The following CTNNA2 variants were observed in gnomAD, a reference collection of about 807,000 sequenced individuals.
CTNNA2 encodes catenin alpha-2.
A neutral mutation model predicts 101.0 loss-of-function variants in CTNNA2; 42 were observed. That is an observed-to-expected ratio of 0.42 (90% confidence interval 0.32 to 0.54). CTNNA2 has a LOEUF of 0.54. Ranked by LOEUF, CTNNA2 falls within the 20% of genes least tolerant of loss-of-function variation. The pLI is 0.14. For synonymous variants in CTNNA2, 450 were observed against 456.4 expected (o/e 0.99, Z 0.18); for missense variants, 871 against 1,223.1 (o/e 0.71, Z 4.29).
intron 7 of CTNNA2, among the ~76,000 whole-genome samples, chr2:80,141,648 G>A (rs1177305147): frequency 6.6e-6 from 1 of 152,026 alleles, no homozygotes; most frequent in East Asian, 1.9e-4. Context: ...CCAGTGAGAT[G>A]GAGCAGGGAT....
At chr2:80,455,367 C>T (rs1683877561) in intron 9 of CTNNA2, among the ~76,000 whole-genome samples, 1 of 152,166 alleles carries the variant, frequency 6.6e-6, no homozygotes, top group Non-Finnish European at 1.5e-5. Context: ...GGTCATCTCT[C>T]TATCAGGAGG....
intron 3 of CTNNA2, among the ~76,000 whole-genome samples, chr2:79,794,201 G>GT (rs1443114814): frequency 6.6e-6 from 1 of 152,090 alleles, no homozygotes; most frequent in Non-Finnish European, 1.5e-5. Context: ...AAGAAAACAG[G>GT]ACTTCAGAGA....
intron 15 of CTNNA2, among the ~76,000 whole-genome samples, chr2:80,596,951 C>A (rs1388956048): frequency 6.6e-6 from 1 of 152,096 alleles, no homozygotes; most frequent in Non-Finnish European, 1.5e-5. Context: ...GCCTTTTCTG[C>A]TTCTATTAAG....
At chr2:80,125,152 T>C (rs995644270) in intron 7 of CTNNA2, among the ~76,000 whole-genome samples, 8 of 152,160 alleles carry the variant, frequency 5.3e-5, no homozygotes, top group African/African-American at 1.9e-4. Context: ...ATCAAAATCT[T>C]AGAATTTTAT....
intron 1 of CTNNA2, among the ~76,000 whole-genome samples, chr2:79,600,691 A>G (rs1477791733): frequency 2.0e-5 from 3 of 152,206 alleles, no homozygotes; most frequent in African/African-American, 4.8e-5. Flanking sequence ...TTGGGCTCCT[A>G]TGACAGAATA....
intron 7 of CTNNA2, among the ~76,000 whole-genome samples, chr2:80,077,919 CATAAA>C (rs1007862626): frequency 5.3e-5 from 8 of 152,044 alleles, no homozygotes; most frequent in African/African-American, 1.9e-4. Context: ...TGAATGGGTA[CATAAA>C]ATAAGTACAT....
chr2:80,260,391 A>G (rs1672516465), intron 7 of CTNNA2, among the ~76,000 whole-genome samples: 1 of 152,322 alleles, frequency 6.6e-6, no homozygotes, highest in Admixed American at 6.5e-5. Flanking sequence ...ATCCAAAAAT[A>G]TCTCATTTAC....
chr2:80,554,005 T>C (rs1692807040), intron 11 of CTNNA2, among the ~76,000 whole-genome samples: 1 of 152,204 alleles, frequency 6.6e-6, no homozygotes, highest in African/African-American at 2.4e-5. Context: ...TTTTCTATTC[T>C]AATTTATAGT....
intron 1 of CTNNA2, among the ~76,000 whole-genome samples, chr2:79,576,358 G>A (rs1675798854): frequency 6.6e-6 from 1 of 152,088 alleles, no homozygotes; most frequent in Non-Finnish European, 1.5e-5. Flanking sequence ...TGTTTTGAGT[G>A]GTAATTGTAT....
intron 8 of CTNNA2, among the ~76,000 whole-genome samples, chr2:80,396,538 C>T (rs768135424): frequency 9.9e-5 from 15 of 152,170 alleles, no homozygotes; most frequent in Non-Finnish European, 2.2e-4. Flanking sequence ...CTGTCCATCC[C>T]CCAGAGAAGA....
rs200253287 is a variant in CTNNA2 at position 79,536,680 on chromosome 2, A to AT, written c.-6+23483dup. On this transcript the variant is annotated intron_variant, in intron 1 of 18. Coordinates refer to ENST00000402739, the MANE Select transcript of CTNNA2 (RefSeq NM_001282597.3). ...TCTACTGTCGTCACTTTCACCATGGATTTTTTTTTTCTTTTCTTTTCTTTT... is the reference window on the plus strand; with the variant it reads ...TCTACTGTCGTCACTTTCACCATGGATTTTTTTTTTTCTTTTCTTTTCTTTT... Among the ~76,000 whole-genome samples, 1,685 of 78,628 alleles carry AT rather than the reference A, an allele frequency of 0.021. 90 individuals are homozygous for AT. The East Asian group carries it at 0.22, about 10-fold the overall frequency. The allele number at this position is 78,628 out of a possible 152,430, so 51.6% of individuals were successfully genotyped here.
rs530337098 is a variant in CTNNA2, at chr2:79,742,169, T to C, written c.103-2218T>C. ...TTTGCATCACCAAAACTGTGCCTAATGCAGTAATGCACCATGACATACAGA... is the reference window on the plus strand; with the variant it reads ...TTTGCATCACCAAAACTGTGCCTAACGCAGTAATGCACCATGACATACAGA... On this transcript the variant is annotated intron_variant, in intron 2 of 18. Coordinates refer to ENST00000402739, the MANE Select transcript of CTNNA2 (RefSeq NM_001282597.3). Among the ~76,000 whole-genome samples, 234 of 152,356 alleles carry C rather than the reference T, an allele frequency of 1.5e-3. 1 individual carries two copies. Among genetic ancestry groups the C allele is most frequent in the African/African-American group, 5.4e-3 (226 of 41,574 alleles).
chr2:79,876,100 C>T (rs544688650), intron 6 of CTNNA2, among the ~76,000 whole-genome samples: 1 of 152,102 alleles, frequency 6.6e-6, no homozygotes, highest in Non-Finnish European at 1.5e-5. Flanking sequence ...TAAATGATAT[C>T]ATGATCTTGA....
intron 1 of CTNNA2, among the ~76,000 whole-genome samples, chr2:79,545,086 C>A (rs548813614): frequency 6.6e-6 from 1 of 152,128 alleles, no homozygotes; most frequent in East Asian, 1.9e-4. Context: ...ATGATAGCAC[C>A]GTTGCAGAGA....
At chr2:79,836,908 G>A (rs1679408971) in intron 3 of CTNNA2, among the ~76,000 whole-genome samples, 1 of 151,980 alleles carries the variant, frequency 6.6e-6, no homozygotes, top group Admixed American at 6.6e-5. Context: ...TTCTCTTCTT[G>A]TAAGGACACC....
intron 2 of CTNNA2, among the ~76,000 whole-genome samples, chr2:79,285,189 C>G (rs923058065): frequency 6.6e-6 from 1 of 151,120 alleles, no homozygotes; most frequent in African/African-American, 2.4e-5. Context: ...TTTTGTTGAT[C>G]CTTTCAAAAA....
chr2:80,050,519 A>G (rs1486577032), intron 7 of CTNNA2, among the ~76,000 whole-genome samples: 2 of 152,136 alleles, frequency 1.3e-5, no homozygotes, highest in African/African-American at 4.8e-5. Flanking sequence ...ATCTGTTGAG[A>G]TAGCGGGCCC....
intron 7 of CTNNA2, among the ~76,000 whole-genome samples, chr2:80,125,663 C>A (rs1382020789): frequency 6.6e-6 from 1 of 152,154 alleles, no homozygotes; most frequent in Non-Finnish European, 1.5e-5. Context: ...ATGAAGCTGG[C>A]TTTAATCAAT....
chr2:79,311,974 C>A (rs762051579), intron 2 of CTNNA2, among the ~76,000 whole-genome samples: 69 of 152,080 alleles, frequency 4.5e-4, no homozygotes, highest in Middle Eastern at 3.2e-3. Context: ...ACAATCATGG[C>A]TCACTGTAAC....
Sources: gnomAD v4.1 joint callset for allele counts (sites outside exome capture counted in the v4.1 genomes callset) on GRCh38, gnomAD v4.1.1 for gene constraint, MANE v1.5 for transcripts, NCBI Gene and HGNC (gene_info 2026-07-23, HGNC 2026-07-21) for gene names.